Variants in PRKAR2A observed in about 807,000 individuals in gnomAD.
The protein encoded by PRKAR2A is protein kinase cAMP-dependent type II regulatory subunit alpha, also known as cAMP-dependent protein kinase type II-alpha regulatory subunit.
In PRKAR2A, 29 loss-of-function variants were observed where a neutral mutation model predicts 51.9. The ratio of observed to expected loss-of-function variants is 0.56; its 90% CI spans 0.42 to 0.76. The LOEUF (loss-of-function observed/expected upper bound fraction) is 0.76, where lower values mean the gene tolerates loss of function less well. PRKAR2A is among the 30% of genes least tolerant of loss of function. PRKAR2A has a pLI of 0.00. For synonymous variants in PRKAR2A, 178 were observed against 186.2 expected (o/e 0.96, Z 0.36); for missense variants, 445 against 512.1 (o/e 0.87, Z 1.26).
chr3:48,767,843 G>A (rs894644595), intron 6 of PRKAR2A, among the ~76,000 whole-genome samples: 10 of 151,726 alleles, frequency 6.6e-5, no homozygotes, highest in African/African-American at 2.4e-4. Context: ...AGAATCGCTT[G>A]AACCTGGGAG....
chr3:48,769,929 C>T (rs752283319), intron 6 of PRKAR2A, among the ~76,000 whole-genome samples: 9 of 152,066 alleles, frequency 5.9e-5, no homozygotes, highest in East Asian at 1.9e-4. Context: ...AGGCATGTGC[C>T]GCCACATCAG....
In PRKAR2A at chr3:48,838,698, G is replaced by A. The variant is rs539813736; in HGVS notation, c.262+8637C>T. On this transcript the variant is annotated intron_variant, in intron 1 of 10. Coordinates refer to ENST00000265563, the MANE Select transcript of PRKAR2A (RefSeq NM_004157.4). ...AAAATGTTCTAAAAATTGTTATGGC[G>A]CCAGGCGCGATGGCTCATGCCTGTA... Among the ~76,000 whole-genome samples the A allele has an allele frequency of 2.2e-4, 33 of 152,038 alleles. No homozygotes were observed. The South Asian group carries it at 2.3e-3, about 11-fold the overall frequency.
intron 6 of PRKAR2A, among the ~76,000 whole-genome samples, chr3:48,770,867 T>C (rs1040134267): frequency 6.6e-6 from 1 of 152,094 alleles, no homozygotes; most frequent in African/African-American, 2.4e-5. Flanking sequence ...ACAAAGCAGG[T>C]GGTTTTACAG....
intron 2 of PRKAR2A, among the ~76,000 whole-genome samples, chr3:48,800,920 G>A (rs1320417859): frequency 1.3e-5 from 2 of 152,084 alleles, no homozygotes; most frequent in East Asian, 1.9e-4. Context: ...TGATCCACCC[G>A]CCTCAGCCTC....
intron 5 of PRKAR2A, among the ~76,000 whole-genome samples, chr3:48,775,605 A>T (rs1486059070): frequency 2.0e-5 from 3 of 151,696 alleles, no homozygotes; most frequent in East Asian, 1.9e-4. Context: ...TAATTAAAAC[A>T]TATAGCAAAC....
chr3:48,767,026 T>C (rs2081951514), intron 6 of PRKAR2A, among the ~76,000 whole-genome samples: 1 of 152,186 alleles, frequency 6.6e-6, no homozygotes, highest in Non-Finnish European at 1.5e-5. Flanking sequence ...AACCAGGCAC[T>C]TCTCAGATAT....
chr3:48,843,411 C>T (rs1178239420), intron 1 of PRKAR2A, among the ~76,000 whole-genome samples: 1 of 151,844 alleles, frequency 6.6e-6, no homozygotes, highest in East Asian at 1.9e-4. Context: ...TATTTCCTTC[C>T]AAGGTAATTT....
intron 1 of PRKAR2A, among the ~76,000 whole-genome samples, chr3:48,815,403 A>G (rs1012006534): frequency 1.3e-4 from 19 of 151,432 alleles, no homozygotes; most frequent in African/African-American, 4.4e-4. Flanking sequence ...ATTATGCTTT[A>G]AAAAGGAAGC....
chr3:48,812,553 G>A (rs907525728), intron 1 of PRKAR2A, among the ~76,000 whole-genome samples: 2 of 151,170 alleles, frequency 1.3e-5, no homozygotes, highest in Non-Finnish European at 2.9e-5. Flanking sequence ...CACAATCTTG[G>A]CTCACTGCAA....
intron 5 of PRKAR2A, among the ~76,000 whole-genome samples, chr3:48,777,369 G>A (rs965243115): frequency 6.6e-6 from 1 of 152,026 alleles, no homozygotes; most frequent in African/African-American, 2.4e-5. Flanking sequence ...TCATACACTG[G>A]TAATCAGATT....
chr3:48,828,167 A>G (rs1376905917), intron 1 of PRKAR2A, among the ~76,000 whole-genome samples: 1 of 152,090 alleles, frequency 6.6e-6, no homozygotes, highest in Non-Finnish European at 1.5e-5. Context: ...CACATGGCCC[A>G]ACTTTAAACT....
At chr3:48,754,887 A>C (rs2081733481) in intron 9 of PRKAR2A, among the ~76,000 whole-genome samples, 1 of 151,322 alleles carries the variant, frequency 6.6e-6, no homozygotes, top group African/African-American at 2.4e-5. Context: ...ACTGCATTCC[A>C]GCCTGGGCAA....
intron 1 of PRKAR2A, among the ~76,000 whole-genome samples, chr3:48,823,125 T>C (rs985108201): frequency 1.3e-5 from 2 of 152,102 alleles, no homozygotes; most frequent in African/African-American, 4.8e-5. Flanking sequence ...AGGCTGGTCT[T>C]GAACTCCTGG....
chr3:48,753,212 C>T (rs1036784838), intron 9 of PRKAR2A, among the ~76,000 whole-genome samples: 2 of 151,448 alleles, frequency 1.3e-5, no homozygotes, highest in African/African-American at 2.4e-5. Context: ...GGATTATAGG[C>T]ACTCCCCCCT....
chr3:48,841,858 C>T (rs916368857), intron 1 of PRKAR2A, among the ~76,000 whole-genome samples: 3 of 152,030 alleles, frequency 2.0e-5, no homozygotes, highest in African/African-American at 7.3e-5. Context: ...GTAGCGCAGC[C>T]ACCTGAGACA....
At chr3:48,830,937 G>A (rs1040479919) in intron 1 of PRKAR2A, among the ~76,000 whole-genome samples, 2 of 152,088 alleles carry the variant, frequency 1.3e-5, no homozygotes, top group African/African-American at 4.8e-5. Flanking sequence ...GATCTGACAG[G>A]AGATGGAGCT....
intron 9 of PRKAR2A, 68 bp from the exon 10 acceptor site, chr3:48,752,385 C>T (rs755635262): frequency 1.2e-5 from 18 of 1,505,682 alleles, no homozygotes; most frequent in Admixed American, 2.0e-5. Flanking sequence ...CAGTTGCACA[C>T]ACATACACTG....
At chr3:48,824,135 G>A (rs191056710) in intron 1 of PRKAR2A, among the ~76,000 whole-genome samples, 2 of 152,254 alleles carry the variant, frequency 1.3e-5, no homozygotes, top group African/African-American at 4.8e-5. Context: ...CAGCTACTCG[G>A]GAGGTTGAGG....
At chr3:48,794,979 CTT>C (rs761295018) in intron 2 of PRKAR2A, among the ~76,000 whole-genome samples, 12 of 143,856 alleles carry the variant, frequency 8.3e-5, no homozygotes, top group East Asian at 6.1e-4. Flanking sequence ...TCTGAGGAAA[CTT>C]TTTTTTTTTT....
Sources: allele counts gnomAD v4.1 joint callset (sites outside exome capture counted in the v4.1 genomes callset), GRCh38; gene constraint gnomAD v4.1.1; transcripts MANE v1.5; gene names NCBI Gene and HGNC (gene_info 2026-07-23, HGNC 2026-07-21).